Variants in ICA1 observed in about 807,000 individuals in gnomAD.
The protein encoded by ICA1 is 69 kDa islet cell autoantigen.
In ICA1, 40 loss-of-function variants were observed where a neutral mutation model predicts 71.0. The ratio of observed to expected loss-of-function variants is 0.56; its 90% CI spans 0.44 to 0.73. The LOEUF (loss-of-function observed/expected upper bound fraction) is 0.73, where lower values mean the gene tolerates loss of function less well. Among genes scored for constraint, ICA1 ranks in the 30% least tolerant of loss-of-function variants. The probability of loss-of-function intolerance (pLI) is 0.00; values close to 1 mark genes in which losing one functional copy is unlikely to be tolerated. For missense variants in ICA1, 578 were observed against 576.5 expected (o/e 1.00, Z -0.03); for synonymous variants, 207 against 209.5 (o/e 0.99, Z 0.10).
intron 6 of ICA1, among the ~76,000 whole-genome samples, chr7:8,193,613 G>T (rs1435653631): frequency 6.6e-6 from 1 of 152,188 alleles, no homozygotes; most frequent in African/African-American, 2.4e-5. Flanking sequence ...AATGGTGGTG[G>T]CAAAAGCATT....
At chr7:8,244,008 A>C (rs1160736603) in intron 1 of ICA1, among the ~76,000 whole-genome samples, 1 of 152,000 alleles carries the variant, frequency 6.6e-6, no homozygotes, top group Non-Finnish European at 1.5e-5. Context: ...TAATTTATAG[A>C]TTCAATGCTA....
chr7:8,141,115 A>G (rs1272446098), intron 10 of ICA1, among the ~76,000 whole-genome samples: 1 of 152,200 alleles, frequency 6.6e-6, no homozygotes, highest in Non-Finnish European at 1.5e-5. Context: ...ACCACAATCT[A>G]TCAAACCCTG....
chr7:8,242,483 C>T (rs2128492195), intron 1 of ICA1, among the ~76,000 whole-genome samples: 1 of 152,174 alleles, frequency 6.6e-6, no homozygotes, highest in South Asian at 2.1e-4. Context: ...AAAATTGACA[C>T]CCTAACATCA....
At chr7:8,238,290 T>A (rs1422969064) in intron 1 of ICA1, among the ~76,000 whole-genome samples, 2 of 152,304 alleles carry the variant, frequency 1.3e-5, no homozygotes, top group Middle Eastern at 3.4e-3. Flanking sequence ...TTTCTCCACA[T>A]CCTTGTTAAT....
chr7:8,171,166 T>G (rs987323686), intron 6 of ICA1, among the ~76,000 whole-genome samples: 3 of 151,934 alleles, frequency 2.0e-5, no homozygotes, highest in African/African-American at 7.2e-5. Context: ...TAAAATGAAC[T>G]GGGAAGTGTT....
At chr7:8,146,724 TGC>T (rs200976885) in intron 8 of ICA1, among the ~76,000 whole-genome samples, 536 of 52,568 alleles carry the variant, frequency 0.01, no homozygotes, top group East Asian at 0.027. Flanking sequence ...GGCACGTGTG[TGC>T]GTGTGTGTGC....
At chr7:8,175,651 CT>C (rs1478612246) in intron 6 of ICA1, among the ~76,000 whole-genome samples, 2 of 151,954 alleles carry the variant, frequency 1.3e-5, no homozygotes, top group Non-Finnish European at 2.9e-5. Context: ...AGCCACCAAA[CT>C]TTTTCCCTAC....
At chr7:8,209,151 T>A (rs1228511309) in intron 6 of ICA1, among the ~76,000 whole-genome samples, 1 of 152,228 alleles carries the variant, frequency 6.6e-6, no homozygotes, top group Non-Finnish European at 1.5e-5. Context: ...AATTCACTTT[T>A]GTCCAGAGTC....
chr7:8,156,698 C>A, intron 8 of ICA1: 2 of 797,852 alleles, frequency 2.5e-6, no homozygotes, highest in Non-Finnish European at 3.6e-6. Context: ...GAAAGGAGGA[C>A]ACCTTCTCAA....
intron 6 of ICA1, among the ~76,000 whole-genome samples, chr7:8,206,891 T>C (rs1051320879): frequency 6.6e-6 from 1 of 152,212 alleles, no homozygotes; most frequent in African/African-American, 2.4e-5. Context: ...CCTCTTCCGA[T>C]GTGGATATTT....
At chr7:8,125,733 G>A (rs965271013) in intron 13 of ICA1, among the ~76,000 whole-genome samples, 7 of 152,182 alleles carry the variant, frequency 4.6e-5, no homozygotes, top group East Asian at 3.8e-4. Context: ...AGTGGGACCC[G>A]GTAAATATTT....
At chr7:8,161,009 G>T (rs1216944011) in intron 6 of ICA1, among the ~76,000 whole-genome samples, 1 of 152,206 alleles carries the variant, frequency 6.6e-6, no homozygotes, top group Non-Finnish European at 1.5e-5. Context: ...CAGGAAGGCC[G>T]CCTCAGCTGG....
At chr7:8,114,451 A>G (rs1354818142) in intron 13 of ICA1, among the ~76,000 whole-genome samples, 1 of 152,154 alleles carries the variant, frequency 6.6e-6, no homozygotes. Flanking sequence ...ATCTTTTCAA[A>G]TCTGCTGGGT....
Position 8,166,697 on chromosome 7 carries a change from A to G in ICA1, c.580-8045T>C, listed in dbSNP as rs1806117532. Among the ~76,000 whole-genome samples the G allele has an allele frequency of 2.0e-5, 3 of 151,986 alleles. No homozygotes were observed. The South Asian group carries it at 6.2e-4, about 31-fold the overall frequency. On this transcript the variant is annotated intron_variant, in intron 6 of 13. Coordinates refer to ENST00000402384, the MANE Select transcript of ICA1 (RefSeq NM_001136020.3). Reference sequence around the variant, plus strand: ...AGCAAAAGAAACTATCAACAGAGAAAAAAGACAACTTACAGAATGGGAGAA... The same window carrying G: ...AGCAAAAGAAACTATCAACAGAGAAGAAAGACAACTTACAGAATGGGAGAA...
chr7:8,260,916 A>G (rs1053675687), intron 1 of ICA1, among the ~76,000 whole-genome samples: 2 of 152,218 alleles, frequency 1.3e-5, no homozygotes, highest in Non-Finnish European at 2.9e-5. Flanking sequence ...GGCCACAGAA[A>G]CCAATTTGAG....
chr7:8,255,066 T>C (rs958499351), intron 1 of ICA1, among the ~76,000 whole-genome samples: 1 of 152,020 alleles, frequency 6.6e-6, no homozygotes, highest in South Asian at 2.1e-4. Flanking sequence ...CGCTTCCTTC[T>C]CCCTAGGAAG....
At chr7:8,219,799 A>C (rs913942446) in intron 5 of ICA1, among the ~76,000 whole-genome samples, 3 of 152,254 alleles carry the variant, frequency 2.0e-5, no homozygotes, top group African/African-American at 7.2e-5. Context: ...ACTTAAAGAC[A>C]TCAAGAGTCC....
intron 8 of ICA1, among the ~76,000 whole-genome samples, chr7:8,145,380 G>A (rs2128136188): frequency 6.6e-6 from 1 of 152,004 alleles, no homozygotes; most frequent in East Asian, 1.9e-4. Context: ...CTTCCTTCCT[G>A]TCTTTGTTCA....
At chr7:8,246,002 T>C (rs535917378) in intron 1 of ICA1, among the ~76,000 whole-genome samples, 1 of 152,354 alleles carries the variant, frequency 6.6e-6, no homozygotes, top group African/African-American at 2.4e-5. Flanking sequence ...TATGATTAGC[T>C]AATACTTCAT....
Sources: gnomAD v4.1 joint callset for allele counts (sites outside exome capture counted in the v4.1 genomes callset) on GRCh38, gnomAD v4.1.1 for gene constraint, MANE v1.5 for transcripts, NCBI Gene and HGNC (gene_info 2026-07-23, HGNC 2026-07-21) for gene names.